Variants in PRRX2 observed in about 807,000 individuals in gnomAD.
The protein encoded by PRRX2 is paired related homeobox 2.
A neutral mutation model predicts 18.0 loss-of-function variants in PRRX2; 11 were observed. The observed-to-expected ratio is 0.61, with a 90% CI of 0.39 to 1.01. PRRX2 has a LOEUF of 1.01. Ranked by LOEUF, PRRX2 falls within the 50% of genes least tolerant of loss-of-function variation. PRRX2 has a pLI of 0.01. For missense variants in PRRX2, 387 were observed against 351.0 expected (o/e 1.10, Z -0.82); for synonymous variants, 177 against 154.8 (o/e 1.14, Z -1.06).
At position 129,671,648 on chromosome 9, in the gene PRRX2, G is replaced by C. The variant is rs1156573312; in HGVS notation, c.259+5522G>C. 6.6e-6 allele frequency among the ~76,000 whole-genome samples: 1 copy of C among 152,234 alleles called. No homozygotes were observed. Among genetic ancestry groups the C allele is most frequent in the Non-Finnish European group, 1.5e-5 (1 of 68,046 alleles). On this transcript the variant is annotated intron_variant, in intron 1 of 3. Transcript: ENST00000372469. This position sits in a 1 kb window ranked among gnomAD's most constrained non-coding sequence, Gnocchi z 4.0. ...TCCCTCAAAGGGCGTGTCGAGCCCT[G>C]AGTGGGTGAGGGTTCTGGGTACCAT...
chr9:129,673,761 GCTGCTGGAGAGTAGATGGGCAGATACAT>G (rs1832130084), intron 1 of PRRX2, among the ~76,000 whole-genome samples: 1 of 152,190 alleles, frequency 6.6e-6, no homozygotes, highest in Non-Finnish European at 1.5e-5. Context: ...GGTGGCCGCA[GCTGCTGGAGAGTAGATGGGCAGATACAT>G]CTGCACCTGT....
Position 129,665,695 on chromosome 9 carries a change from G to C in PRRX2, c.-173G>C. The stretch of plus-strand genomic sequence containing the variant: ...GAGCGGCCGTGGCTGAGAAGGGGAG[G>C]GCGGAAAGTTTGTTTCCCCGACGTC... On this transcript the variant is annotated 5_prime_UTR_variant, in exon 1 of 4. Coordinates refer to ENST00000372469, the MANE Select transcript of PRRX2 (RefSeq NM_016307.4). This position sits in a 1 kb window ranked among gnomAD's most constrained non-coding sequence, Gnocchi z 5.3. 3.1e-6 allele frequency: 1 copy of C among 319,474 alleles called. No individual in the cohort carries two copies. Among genetic ancestry groups the C allele is most frequent in the African/African-American group, 2.2e-5 (1 of 44,642 alleles). 19.8% of individuals were successfully genotyped at this position (319,474 alleles called of 1,614,324 possible).
At chr9:129,673,566 G>A (rs1199257220) in intron 1 of PRRX2, among the ~76,000 whole-genome samples, 10 of 152,018 alleles carry the variant, frequency 6.6e-5, no homozygotes, top group Admixed American at 6.6e-4. Context: ...TGAAAACTTT[G>A]TCCTAGGCTG....
At chr9:129,719,844 G>C (rs1009691191) in intron 2 of PRRX2, among the ~76,000 whole-genome samples, 1 of 152,056 alleles carries the variant, frequency 6.6e-6, no homozygotes, top group African/African-American at 2.4e-5. Flanking sequence ...AAAATTATCC[G>C]GGCGTGCTGG....
intron 1 of PRRX2, among the ~76,000 whole-genome samples, chr9:129,691,273 G>A (rs1832357786): frequency 6.6e-6 from 1 of 151,946 alleles, no homozygotes; most frequent in South Asian, 2.1e-4. Context: ...GGAGGCAGGG[G>A]TTGCGGTGAC....
At position 129,711,399 on chromosome 9, in the gene PRRX2, CTTTTTTT is replaced by C. The variant is rs897807963; in HGVS notation, c.260-7814_260-7808del. ...ATTCCCATTTTTCAGGTGAGATTCT[CTTTTTTT>C]TTTTTTTTTTTTTTTTTGAGACAGA... On this transcript the variant is annotated intron_variant, in intron 1 of 3. Coordinates refer to ENST00000372469, the MANE Select transcript of PRRX2 (RefSeq NM_016307.4). Among the ~76,000 whole-genome samples the C allele has an allele frequency of 6.0e-3, 507 of 85,048 alleles. 7 individuals are homozygous for C. The highest frequency in any genetic ancestry group is 0.022 in the African/African-American group (444 of 20,166). The allele number at this position is 85,048 out of a possible 152,430, so 55.8% of individuals were successfully genotyped here.
At position 129,693,642 on chromosome 9, in the gene PRRX2, C is replaced by T. The variant is rs531863004; in HGVS notation, c.260-25589C>T. On this transcript the variant is annotated intron_variant, in intron 1 of 3. Coordinates refer to ENST00000372469, the MANE Select transcript of PRRX2 (RefSeq NM_016307.4). Reference sequence around the variant, plus strand: ...GATCGTTCTTTTGGGGCAAAACTCGCCTTGCCATCATTACTGGTTAATACA... The same window carrying T: ...GATCGTTCTTTTGGGGCAAAACTCGTCTTGCCATCATTACTGGTTAATACA... Among the ~76,000 whole-genome samples, 26 of 151,768 alleles carry T rather than the reference C, an allele frequency of 1.7e-4. No homozygotes were observed. In the East Asian group the frequency reaches 3.9e-3, roughly 23 times the overall value.
At chr9:129,688,076 T>C (rs999984712) in intron 1 of PRRX2, among the ~76,000 whole-genome samples, 1 of 152,150 alleles carries the variant, frequency 6.6e-6, no homozygotes, top group Admixed American at 6.5e-5. Context: ...TTATATTTTT[T>C]GTAGAGATGG....
At chr9:129,702,290 C>G (rs1031134404) in intron 1 of PRRX2, among the ~76,000 whole-genome samples, 1 of 151,166 alleles carries the variant, frequency 6.6e-6, no homozygotes, top group Admixed American at 6.6e-5. Context: ...CCCAGCTACT[C>G]GGGAGGCTGA....
chr9:129,721,142 G>A (rs1832786590), intron 3 of PRRX2, among the ~76,000 whole-genome samples: 1 of 152,174 alleles, frequency 6.6e-6, no homozygotes, highest in African/African-American at 2.4e-5. Flanking sequence ...TCTGGAGGGG[G>A]AGCAAAGTAC....
intron 1 of PRRX2, among the ~76,000 whole-genome samples, chr9:129,718,218 C>T (rs1191277031): frequency 1.3e-5 from 2 of 152,120 alleles, no homozygotes; most frequent in African/African-American, 2.4e-5. Flanking sequence ...GATCCTCCAC[C>T]GCCCCTGCTG....
At chr9:129,696,835 G>T (rs1348766381) in intron 1 of PRRX2, among the ~76,000 whole-genome samples, 1 of 152,182 alleles carries the variant, frequency 6.6e-6, no homozygotes, top group African/African-American at 2.4e-5. Context: ...CAAGGGAGGG[G>T]CGCCCCGGGT....
intron 1 of PRRX2, among the ~76,000 whole-genome samples, chr9:129,717,506 GC>G (rs1832724696): frequency 1.3e-5 from 2 of 151,962 alleles, no homozygotes; most frequent in African/African-American, 2.4e-5. Flanking sequence ...GACCAGCCTG[GC>G]CAACATGGTG....
At chr9:129,681,986 T>A (rs74427757) in intron 1 of PRRX2, among the ~76,000 whole-genome samples, 2,219 of 151,688 alleles carry the variant, frequency 0.015, 50 homozygotes, top group African/African-American at 0.05. Flanking sequence ...CGCCGAGAAT[T>A]TTCCTCCCTC....
At chr9:129,673,420 G>A (rs1832124153) in intron 1 of PRRX2, among the ~76,000 whole-genome samples, 1 of 152,108 alleles carries the variant, frequency 6.6e-6, no homozygotes, top group African/African-American at 2.4e-5. Context: ...TTACACCACT[G>A]CACTCCAGCC....
chr9:129,698,268 G>C (rs755051342), intron 1 of PRRX2, among the ~76,000 whole-genome samples: 1 of 105,842 alleles, frequency 9.4e-6, no homozygotes, highest in East Asian at 3.4e-4. Context: ...GGGGGGGGGG[G>C]GGGGCGGGGG....
chr9:129,721,614 C>T (rs775936516), intron 3 of PRRX2, among the ~76,000 whole-genome samples: 1 of 152,030 alleles, frequency 6.6e-6, no homozygotes, highest in African/African-American at 2.4e-5. Context: ...GAGTCTCGCT[C>T]TGTCACCCAG....
intron 1 of PRRX2, among the ~76,000 whole-genome samples, chr9:129,700,130 A>G (rs1191047069): frequency 6.6e-6 from 1 of 152,122 alleles, no homozygotes; most frequent in African/African-American, 2.4e-5. Flanking sequence ...CCTTATATAT[A>G]TATTCTTTCA....
In PRRX2 at chr9:129,675,780, G is replaced by A. The variant is rs1393663179; in HGVS notation, c.259+9654G>A. Reference sequence around the variant, plus strand: ...TGGCTGCAAACCTCGGAATCAAAGCGGGAGCCGCCAGGCGGGCGCGCCTGG... The same window carrying A: ...TGGCTGCAAACCTCGGAATCAAAGCAGGAGCCGCCAGGCGGGCGCGCCTGG... On this transcript the variant is annotated intron_variant, in intron 1 of 3. Transcript: ENST00000372469. This position sits in a 1 kb window ranked among gnomAD's most constrained non-coding sequence, Gnocchi z 4.4. Among the ~76,000 whole-genome samples the A allele has an allele frequency of 1.3e-5, 2 of 152,198 alleles. No individual in the cohort carries two copies. The highest frequency in any genetic ancestry group is 6.5e-5 in the Admixed American group (1 of 15,288).
Sources: gnomAD v4.1 joint callset for allele counts (sites outside exome capture counted in the v4.1 genomes callset) on GRCh38, gnomAD v4.1.1 for gene constraint, Gnocchi (gnomAD v3.1) non-coding constraint, MANE v1.5 for transcripts, NCBI Gene and HGNC (gene_info 2026-07-23, HGNC 2026-07-21) for gene names.